MRPL1: variants seen among roughly 807,000 people sequenced by gnomAD.
The protein encoded by MRPL1 is large ribosomal subunit protein uL1m.
MRPL1 carries 28 observed loss-of-function variants against 38.0 expected under a neutral mutation model. The ratio of observed to expected loss-of-function variants is 0.74; its 90% CI spans 0.55 to 1.01. The LOEUF (loss-of-function observed/expected upper bound fraction) is 1.01. Among genes scored for constraint, MRPL1 ranks in the 50% least tolerant of loss-of-function variants. The pLI is 0.00. For missense variants in MRPL1, 358 were observed against 389.8 expected, an observed-to-expected ratio of 0.92 and a Z score of 0.69; for synonymous variants, 123 against 126.7, an observed-to-expected ratio of 0.97 and a Z score of 0.20.
intron 7 of MRPL1, among the ~76,000 whole-genome samples, chr4:77,948,812 C>G (rs1480842374): frequency 6.6e-6 from 1 of 150,804 alleles, no homozygotes; most frequent in Non-Finnish European, 1.5e-5. Flanking sequence ...CTCTTGTCGC[C>G]CAGGCTGGAG....
At chr4:77,942,421 A>T (rs1737157838) in intron 7 of MRPL1, among the ~76,000 whole-genome samples, 1 of 151,764 alleles carries the variant, frequency 6.6e-6, no homozygotes, top group African/African-American at 2.4e-5. Context: ...TTCTTTGTTG[A>T]CTTTCTGTCT....
intron 5 of MRPL1, among the ~76,000 whole-genome samples, chr4:77,887,706 A>T (rs1735715823): frequency 6.6e-6 from 1 of 151,922 alleles, no homozygotes; most frequent in Admixed American, 6.6e-5. Flanking sequence ...TTTTGTAGAG[A>T]TAGGGTTCTT....
At chr4:77,937,882 C>G (rs1034035509) in intron 7 of MRPL1, among the ~76,000 whole-genome samples, 2 of 152,018 alleles carry the variant, frequency 1.3e-5, no homozygotes, top group African/African-American at 4.8e-5. Flanking sequence ...ATTTCTTAGC[C>G]AGACAACTGC....
chr4:77,875,658 A>C lies in MRPL1; in HGVS notation c.143+3803A>C, dbSNP rs575089323. Among the ~76,000 whole-genome samples the C allele has an allele frequency of 4.0e-3, 610 of 152,006 alleles. 3 individuals are homozygous for C. The highest frequency in any genetic ancestry group is 9.6e-3 in the African/African-American group (399 of 41,484). ...CAGATTGAGACTCTGCCAAAAACAA[A>C]AAAAAAAAGAATTTTGCAGGGGAAT... On this transcript the variant is annotated intron_variant, in intron 2 of 8. Coordinates refer to ENST00000315567, the MANE Select transcript of MRPL1 (RefSeq NM_020236.4).
Position 77,872,615 on chromosome 4 carries a change from G to A in MRPL1, c.143+760G>A, listed in dbSNP as rs1367752915. On this transcript the variant is annotated intron_variant, in intron 2 of 8. Coordinates refer to ENST00000315567, the MANE Select transcript of MRPL1 (RefSeq NM_020236.4). ...CACCGTGGCTCACACCTGTGATCCC[G>A]GCACTTTGGGAGGCCGAGGCGGGTG... is the stretch of plus-strand genomic sequence containing the variant. Among the ~76,000 whole-genome samples the A allele has an allele frequency of 2.6e-5, 4 of 152,030 alleles. No homozygotes were observed. In the East Asian group the frequency reaches 7.7e-4, roughly 29 times the overall value.
chr4:77,886,205 G>T (rs1735671938), intron 4 of MRPL1, among the ~76,000 whole-genome samples: 1 of 152,118 alleles, frequency 6.6e-6, no homozygotes, highest in Non-Finnish European at 1.5e-5. Flanking sequence ...GTCTTGGTCT[G>T]TTGTCCAGGC....
At chr4:77,889,179 T>C (rs937136875) in intron 5 of MRPL1, among the ~76,000 whole-genome samples, 1 of 152,198 alleles carries the variant, frequency 6.6e-6, no homozygotes, top group Non-Finnish European at 1.5e-5. Flanking sequence ...AGAATATGCG[T>C]TCTTCTCAGC....
At chr4:77,927,956 T>C (rs1349150082) in intron 7 of MRPL1, among the ~76,000 whole-genome samples, 2 of 152,230 alleles carry the variant, frequency 1.3e-5, no homozygotes, top group Admixed American at 1.3e-4. Flanking sequence ...AAGTATTTCT[T>C]GTCTGGATTT....
intron 2 of MRPL1, among the ~76,000 whole-genome samples, chr4:77,873,003 A>G (rs1007947090): frequency 2.6e-5 from 4 of 152,240 alleles, no homozygotes; most frequent in African/African-American, 9.6e-5. Context: ...ACTACACTCT[A>G]GCCTGGGCAA....
At chr4:77,931,571 C>T (rs1243359853) in intron 7 of MRPL1, among the ~76,000 whole-genome samples, 4 of 152,182 alleles carry the variant, frequency 2.6e-5, no homozygotes, top group Non-Finnish European at 4.4e-5. Flanking sequence ...ATATATTTTT[C>T]AGGAGGATGT....
At chr4:77,895,385 A>C (rs1048068486) in intron 6 of MRPL1, among the ~76,000 whole-genome samples, 8 of 151,668 alleles carry the variant, frequency 5.3e-5, no homozygotes, top group Non-Finnish European at 1.5e-5. Flanking sequence ...AGGAAGAGTC[A>C]AATGATACTG....
At chr4:77,938,491 G>A (rs1434434425) in intron 7 of MRPL1, among the ~76,000 whole-genome samples, 2 of 152,128 alleles carry the variant, frequency 1.3e-5, no homozygotes, top group Non-Finnish European at 2.9e-5. Context: ...GTTTTCAGTT[G>A]TGCAACTGGA....
chr4:77,868,490 C>T (rs1274141376), intron 1 of MRPL1, among the ~76,000 whole-genome samples: 2 of 152,170 alleles, frequency 1.3e-5, no homozygotes, highest in East Asian at 3.9e-4. Context: ...ATCCACCCTC[C>T]TCAACCTCCC....
intron 7 of MRPL1, among the ~76,000 whole-genome samples, chr4:77,911,605 C>T (rs1736289783): frequency 6.6e-6 from 1 of 152,026 alleles, no homozygotes; most frequent in South Asian, 2.1e-4. Flanking sequence ...AATTTTTCCC[C>T]ATTTCCCATT....
chr4:77,908,397 T>G (rs1736209884), intron 6 of MRPL1: 1 of 153,336 alleles, frequency 6.5e-6, no homozygotes, highest in South Asian at 2.0e-4. Flanking sequence ...CACACCCAGC[T>G]AATTTTTGTA....
At chr4:77,864,663 C>G (rs116762780) in intron 1 of MRPL1, 5 of 152,182 alleles carry the variant, frequency 3.3e-5, no homozygotes, top group African/African-American at 1.2e-4. Flanking sequence ...GGAGTCGACA[C>G]ATGCCTTCTT....
intron 7 of MRPL1, among the ~76,000 whole-genome samples, chr4:77,913,340 A>T (rs1379904089): frequency 6.6e-6 from 1 of 152,242 alleles, no homozygotes; most frequent in Non-Finnish European, 1.5e-5. Context: ...TTTAAAAATC[A>T]GAAAACATGA....
chr4:77,900,348 G>T lies in MRPL1; in HGVS notation c.670+6098G>T, dbSNP rs1267508205. Among the ~76,000 whole-genome samples the T allele has an allele frequency of 2.6e-5, 4 of 152,188 alleles. No individual in the cohort carries two copies. In the East Asian group the frequency reaches 7.7e-4, roughly 29 times the overall value. On this transcript the variant is annotated intron_variant, in intron 6 of 8. Transcript: ENST00000315567. ...TTCTGTCTTTAAGAAGATAAACACT[G>T]AGGAGAGAGAGATGAGAGCAAACTG...
intron 6 of MRPL1, among the ~76,000 whole-genome samples, chr4:77,898,952 G>C (rs1321581849): frequency 2.0e-5 from 3 of 150,562 alleles, no homozygotes; most frequent in Admixed American, 2.0e-4. Flanking sequence ...CTGCAGTAGA[G>C]AAACTAGTTT....
Sources: gnomAD v4.1 joint callset for allele counts (sites outside exome capture counted in the v4.1 genomes callset) on GRCh38, gnomAD v4.1.1 for gene constraint, MANE v1.5 for transcripts, NCBI Gene and HGNC (gene_info 2026-07-23, HGNC 2026-07-21) for gene names.